RAB3IP: variants seen among roughly 807,000 people sequenced by gnomAD.
RAB3IP encodes RAB3A interacting protein, also known as rab-3A-interacting protein.
In RAB3IP, 36 loss-of-function variants were observed where a neutral mutation model predicts 59.1. The observed-to-expected ratio is 0.61, with a 90% CI of 0.47 to 0.80. RAB3IP has a LOEUF of 0.80. RAB3IP is among the 30% of genes least tolerant of loss of function. RAB3IP has a pLI of 0.00. For synonymous variants in RAB3IP, 207 were observed against 191.2 expected (o/e 1.08, Z -0.68); for missense variants, 511 against 536.0 (o/e 0.95, Z 0.46).
chr12:69,760,063 A>T (rs1159131401), intron 3 of RAB3IP, among the ~76,000 whole-genome samples: 1 of 152,180 alleles, frequency 6.6e-6, no homozygotes, highest in Non-Finnish European at 1.5e-5. Flanking sequence ...AGCCGAGATC[A>T]TGCCACTGCA....
intron 8 of RAB3IP, among the ~76,000 whole-genome samples, chr12:69,809,474 G>T (rs1269415204): frequency 6.6e-6 from 1 of 152,154 alleles, no homozygotes; most frequent in Non-Finnish European, 1.5e-5. Flanking sequence ...AAGTTCTCCT[G>T]GATAATATCC....
intron 8 of RAB3IP, among the ~76,000 whole-genome samples, chr12:69,810,715 G>A (rs1880313849): frequency 6.6e-6 from 1 of 152,160 alleles, no homozygotes; most frequent in African/African-American, 2.4e-5. Flanking sequence ...AAGGAGAAAG[G>A]AGTTAGAGAT....
At chr12:69,742,441 T>C (rs1221578645) in intron 1 of RAB3IP, among the ~76,000 whole-genome samples, 1 of 152,242 alleles carries the variant, frequency 6.6e-6, no homozygotes, top group Non-Finnish European at 1.5e-5. Flanking sequence ...GCTTTTATAA[T>C]ACTGAGTACC....
intron 1 of RAB3IP, among the ~76,000 whole-genome samples, chr12:69,749,854 T>A (rs1175121188): frequency 6.6e-6 from 1 of 152,234 alleles, no homozygotes; most frequent in Non-Finnish European, 1.5e-5. Flanking sequence ...TCTAATAGGC[T>A]GTTTGAAGGC....
At chr12:69,751,110 C>T (rs1342971207) in intron 1 of RAB3IP, among the ~76,000 whole-genome samples, 1 of 152,108 alleles carries the variant, frequency 6.6e-6, no homozygotes, top group African/African-American at 2.4e-5. Context: ...GAATTGGTTC[C>T]ATAGCATTGA....
chr12:69,797,807 AATG>A (rs1374823473), intron 6 of RAB3IP, among the ~76,000 whole-genome samples: 2 of 152,058 alleles, frequency 1.3e-5, no homozygotes, highest in Non-Finnish European at 2.9e-5. Flanking sequence ...GTTTACTGAG[AATG>A]ATGATTTCCA....
In RAB3IP at chr12:69,742,581, CTCATTTTATAGCTTTAACA is replaced by C. The variant is rs1408353071; in HGVS notation, c.-26+3553_-26+3571del. 2.0e-5 allele frequency among the ~76,000 whole-genome samples: 3 copies of C among 152,244 alleles called. No homozygotes were observed. In the East Asian group the frequency reaches 5.8e-4, roughly 29 times the overall value. On this transcript the variant is annotated intron_variant, in intron 1 of 10. Coordinates refer to ENST00000247833, the MANE Select transcript of RAB3IP (RefSeq NM_022456.5). ...CAAGTGCTTCGAGAGTAGGGCTTAC[CTCATTTTATAGCTTTAACA>C]TCGGGCCAGGTAAGTACTGTGCTGT...
chr12:69,802,256 A>G (rs1365725090), intron 8 of RAB3IP, among the ~76,000 whole-genome samples: 1 of 152,026 alleles, frequency 6.6e-6, no homozygotes, highest in Non-Finnish European at 1.5e-5. Flanking sequence ...GAGTTAGACT[A>G]AGTCTTATCG....
rs371251284 is a variant in RAB3IP, at chr12:69,813,081, A to G, written c.1300+48A>G. ...AAGTCTTTACATAAAAGTTCAGCAAAAAGTATAAGTAAAGTTCAACAAAAA... is the reference window on the plus strand; with the variant it reads ...AAGTCTTTACATAAAAGTTCAGCAAGAAGTATAAGTAAAGTTCAACAAAAA... On this transcript the variant is annotated intron_variant, in intron 10 of 10. Coordinates refer to ENST00000247833, the MANE Select transcript of RAB3IP (RefSeq NM_022456.5). The G allele has an allele frequency of 1.2e-5, 17 of 1,386,136 alleles. No homozygotes were observed. In the African/African-American group the frequency reaches 2.2e-4, roughly 18 times the overall value. The allele number at this position is 1,386,136 out of a possible 1,614,324, so 85.9% of individuals were successfully genotyped here.
chr12:69,799,099 A>G (rs1440501139), intron 6 of RAB3IP, among the ~76,000 whole-genome samples: 1 of 152,236 alleles, frequency 6.6e-6, no homozygotes, highest in Non-Finnish European at 1.5e-5. Flanking sequence ...CTTTGATTCA[A>G]GGAATTTATG....
chr12:69,738,585 AGCGCGGGCCC>A (rs1886893821), upstream of RAB3IP: 1 of 81,424 alleles, frequency 1.2e-5, no homozygotes, highest in South Asian at 4.3e-4. Flanking sequence ...GGCGAAACAG[AGCGCGGGCCC>A]GACGAAACAG....
chr12:69,759,812 C>T (rs1245103254), intron 3 of RAB3IP, among the ~76,000 whole-genome samples: 8 of 151,424 alleles, frequency 5.3e-5, no homozygotes, highest in Middle Eastern at 3.5e-3. Flanking sequence ...ACCTCCCTCC[C>T]GGACGGGGCG....
At chr12:69,797,500 T>A (rs1295206973) in intron 6 of RAB3IP, among the ~76,000 whole-genome samples, 23 of 125,632 alleles carry the variant, frequency 1.8e-4, no homozygotes, top group South Asian at 8.0e-4. Context: ...TTTTTTTTTT[T>A]AATAAATTTG....
chr12:69,784,467 A>G (rs1458331133), intron 3 of RAB3IP, among the ~76,000 whole-genome samples: 3 of 149,994 alleles, frequency 2.0e-5, no homozygotes, highest in African/African-American at 7.3e-5. Flanking sequence ...TTATATATAT[A>G]ATGTATATTT....
In RAB3IP at chr12:69,796,702, T is replaced by C. The variant is rs74101332; in HGVS notation, c.888+1358T>C. ...AATGTAACCAAATCCAAAATTCACA[T>C]TGGTTTCTGTTAAATATTTAAGAAA... On this transcript the variant is annotated intron_variant, in intron 6 of 10. Transcript: ENST00000247833. 4,304 of 570,810 alleles carry C rather than the reference T, an allele frequency of 7.5e-3. 145 individuals are homozygous for C. Among genetic ancestry groups the C allele is most frequent in the African/African-American group, 0.073 (3,814 of 52,136 alleles). The allele number at this position is 570,810 out of a possible 1,614,324, so 35.4% of individuals were successfully genotyped here. A position where few individuals can be genotyped will look rare whatever the true frequency, so the allele number is the denominator to read the frequency against.
chr12:69,812,882 G>A lies in RAB3IP; in HGVS notation c.1230+5G>A. The A allele has an allele frequency of 6.2e-7, 1 of 1,606,970 alleles. No individual in the cohort carries two copies. Among genetic ancestry groups the A allele is most frequent in the Non-Finnish European group, 8.5e-7 (1 of 1,173,500 alleles). ...TCTCCTTTTTGCAGATACAGGGTAA[G>A]TGACTTAACCATGAATTTTAATAAA... On this transcript the variant is annotated splice_donor_5th_base_variant and intron_variant, in intron 9 of 10. Coordinates refer to ENST00000247833, the MANE Select transcript of RAB3IP (RefSeq NM_022456.5).
rs1481223546 is a variant in RAB3IP at position 69,756,666 on chromosome 12, A to G, written c.510+3A>G. On this transcript the variant is annotated splice_donor_region_variant and intron_variant, in intron 3 of 10. Coordinates refer to ENST00000247833, the MANE Select transcript of RAB3IP (RefSeq NM_022456.5). ...AAGAACTCGCAAAAGCTCAGAGGGT[A>G]AGAAAGAAGATATTTTATTCTTCCA... The G allele has an allele frequency of 1.2e-6, 2 of 1,607,084 alleles. No individual in the cohort carries two copies. The highest frequency in any genetic ancestry group is 2.2e-5 in the East Asian group (1 of 44,860).
At chr12:69,761,456 G>A (rs556859286) in intron 3 of RAB3IP, among the ~76,000 whole-genome samples, 8 of 152,192 alleles carry the variant, frequency 5.3e-5, no homozygotes, top group African/African-American at 1.9e-4. Flanking sequence ...CAGAGTTTTA[G>A]TTGTGTCAGA....
chr12:69,797,477 CTTTT>C, intron 6 of RAB3IP, among the ~76,000 whole-genome samples: 3 of 54,942 alleles, frequency 5.5e-5, no homozygotes, highest in South Asian at 8.0e-4. Flanking sequence ...TCTTTTCTTT[CTTTT>C]TTTTTTTTTT....
Sources: gnomAD v4.1 joint callset for allele counts (sites outside exome capture counted in the v4.1 genomes callset) on GRCh38, gnomAD v4.1.1 for gene constraint, MANE v1.5 for transcripts, NCBI Gene and HGNC (gene_info 2026-07-23, HGNC 2026-07-21) for gene names.